The following ZNF610 variants were observed in gnomAD, a reference collection of about 807,000 sequenced individuals.
ZNF610 encodes the protein zink finger protein.
In ZNF610, 14 loss-of-function variants were observed where a neutral mutation model predicts 14.1. That is an observed-to-expected ratio of 0.99 (90% CI 0.65 to 1.55). ZNF610 has a LOEUF of 1.55. Among genes scored for constraint, ZNF610 ranks in the 40% most tolerant of loss-of-function variants. The pLI is 0.00. For missense variants in ZNF610, 530 were observed against 558.0 expected, an observed-to-expected ratio of 0.95 and a Z score of 0.51; for synonymous variants, 185 against 187.6, an observed-to-expected ratio of 0.99 and a Z score of 0.11.
chr19:52,332,353 G>A (rs1337769018), upstream of ZNF610, among the ~76,000 whole-genome samples: 2 of 152,176 alleles, frequency 1.3e-5, no homozygotes, highest in Non-Finnish European at 2.9e-5. This position sits in a 1 kb window ranked among gnomAD's most constrained non-coding sequence, Gnocchi z 4.1. Context: ...GGAAAACTGG[G>A]ATAGAGCAGG....
At chr19:52,354,619 C>T (rs1050866688) in intron 5 of ZNF610, among the ~76,000 whole-genome samples, 4 of 146,458 alleles carry the variant, frequency 2.7e-5, no homozygotes, top group African/African-American at 1.0e-4. Context: ...CACTCCGTTG[C>T]CCAGGCTGGA....
At chr19:52,338,731 G>A (rs1296903371) in intron 1 of ZNF610, among the ~76,000 whole-genome samples, 3 of 151,970 alleles carry the variant, frequency 2.0e-5, no homozygotes, top group South Asian at 2.1e-4. Context: ...ACGGAGTTTC[G>A]GTCTTGTTGC....
intron 1 of ZNF610, among the ~76,000 whole-genome samples, chr19:52,339,782 C>T (rs770104715): frequency 2.6e-5 from 4 of 152,174 alleles, no homozygotes; most frequent in Non-Finnish European, 4.4e-5. Context: ...GCCTCAGCCT[C>T]TCCAGTAGCT....
At chr19:52,337,082 A>AAAGT (rs1440774026) in intron 1 of ZNF610, among the ~76,000 whole-genome samples, 3 of 152,186 alleles carry the variant, frequency 2.0e-5, no homozygotes, top group African/African-American at 7.2e-5. Flanking sequence ...CAGGGGGAGA[A>AAAGT]AAGTAACTGG....
chr19:52,349,365 C>A, intron 3 of ZNF610, 130 bp downstream of exon 3: 1 of 1,355,104 alleles, frequency 7.4e-7, no homozygotes, highest in Non-Finnish European at 1.0e-6. Context: ...TAGATTCTAT[C>A]TCTCGTGACC....
intron 5 of ZNF610, among the ~76,000 whole-genome samples, chr19:52,362,149 G>A (rs1985814711): frequency 6.6e-6 from 1 of 152,296 alleles, no homozygotes; most frequent in East Asian, 1.9e-4. Flanking sequence ...ATGGGATTAC[G>A]CCTGTAATCC....
intron 5 of ZNF610, among the ~76,000 whole-genome samples, chr19:52,363,927 T>C (rs1375704003): frequency 6.6e-6 from 1 of 152,208 alleles, no homozygotes; most frequent in Non-Finnish European, 1.5e-5. Context: ...TGTCCTTCAT[T>C]TTTCCCTTAC....
chr19:52,343,254 A>G (rs1214960655), intron 1 of ZNF610, among the ~76,000 whole-genome samples: 3 of 152,240 alleles, frequency 2.0e-5, no homozygotes, highest in South Asian at 4.1e-4. Flanking sequence ...AATACAAACA[A>G]TAAATCACAT....
intron 5 of ZNF610, among the ~76,000 whole-genome samples, chr19:52,355,451 C>T (rs1352581409): frequency 1.3e-5 from 2 of 152,222 alleles, no homozygotes; most frequent in Non-Finnish European, 2.9e-5. Context: ...TGCCACTCAG[C>T]ACAGAGCATT....
chr19:52,343,510 C>T (rs982378476), intron 1 of ZNF610, among the ~76,000 whole-genome samples: 8 of 151,440 alleles, frequency 5.3e-5, no homozygotes, highest in Non-Finnish European at 7.4e-5. Flanking sequence ...GAGGTTGCAG[C>T]GAGCCGATAT....
At chr19:52,344,427 A>G (rs1372082320) in intron 1 of ZNF610, among the ~76,000 whole-genome samples, 1 of 151,974 alleles carries the variant, frequency 6.6e-6, no homozygotes, top group Non-Finnish European at 1.5e-5. Flanking sequence ...CACTGTCTGG[A>G]TCCTGGTGAC....
intron 1 of ZNF610, among the ~76,000 whole-genome samples, chr19:52,344,681 G>A (rs1366449022): frequency 2.0e-5 from 3 of 152,170 alleles, no homozygotes; most frequent in East Asian, 1.9e-4. Flanking sequence ...CCAGATCCTC[G>A]AGTTTAACCG....
At chr19:52,352,167 G>C (rs1439935224) in intron 3 of ZNF610, among the ~76,000 whole-genome samples, 2 of 152,198 alleles carry the variant, frequency 1.3e-5, no homozygotes, top group Admixed American at 6.6e-5. Context: ...TTTGCTGAGG[G>C]AGAGGTAGGA....
chr19:52,332,534 C>G (rs167708), upstream of ZNF610, among the ~76,000 whole-genome samples: 1 of 152,132 alleles, frequency 6.6e-6, no homozygotes, highest in East Asian at 1.9e-4. This position sits in a 1 kb window ranked among gnomAD's most constrained non-coding sequence, Gnocchi z 4.1. Context: ...ACAGCTCCAA[C>G]TGAAAATAAA....
At chr19:52,345,075 C>G (rs1225374640) in intron 1 of ZNF610, 1 of 152,270 alleles carries the variant, frequency 6.6e-6, no homozygotes, top group Non-Finnish European at 1.5e-5. Flanking sequence ...AGCCACTGTA[C>G]CCGGCCAGTC....
At chr19:52,339,304 C>A (rs1984551555) in intron 1 of ZNF610, among the ~76,000 whole-genome samples, 1 of 151,968 alleles carries the variant, frequency 6.6e-6, no homozygotes, top group Admixed American at 6.6e-5. Context: ...ATCCTCAGCA[C>A]AGACCCTTTA....
upstream of ZNF610, among the ~76,000 whole-genome samples, chr19:52,333,222 G>C (rs574544590): frequency 6.6e-6 from 1 of 152,186 alleles, no homozygotes; most frequent in Non-Finnish European, 1.5e-5. Context: ...TCAGGTGTAT[G>C]TTTATAAAAA....
rs146243732 is a variant in ZNF610, at chr19:52,338,342, C to T, written c.-258+1836C>T. ...GTTACAAACCATATTACAAAGGATA[C>T]AGATGAACAGCCAGATGGAAGAGCC... On this transcript the variant is annotated intron_variant, in intron 1 of 5. Transcript: ENST00000403906. 7.2e-5 allele frequency among the ~76,000 whole-genome samples: 11 copies of T among 152,312 alleles called. No homozygotes were observed. In the East Asian group the frequency reaches 1.9e-3, roughly 27 times the overall value.
chr19:52,360,599 G>GGA (rs1293550343), intron 5 of ZNF610, among the ~76,000 whole-genome samples: 1 of 152,170 alleles, frequency 6.6e-6, no homozygotes, highest in African/African-American at 2.4e-5. Context: ...CTAATGTGTA[G>GGA]AGTGTTTCTA....
Sources: allele counts gnomAD v4.1 joint callset (sites outside exome capture counted in the v4.1 genomes callset), GRCh38; gene constraint gnomAD v4.1.1; non-coding constraint Gnocchi (gnomAD v3.1); transcripts MANE v1.5; gene names NCBI Gene and HGNC (gene_info 2026-07-23, HGNC 2026-07-21).